Variants in RALA observed in about 807,000 individuals in gnomAD.
The protein encoded by RALA is RAS like proto-oncogene A.
In RALA, 5 loss-of-function variants were observed where a neutral mutation model predicts 24.0. The observed-to-expected ratio is 0.21, with a 90% CI of 0.11 to 0.44. The LOEUF (loss-of-function observed/expected upper bound fraction) is 0.44. Among genes scored for constraint, RALA ranks in the 20% least tolerant of loss-of-function variants. RALA has a pLI of 0.99. For synonymous variants in RALA, 77 were observed against 83.8 expected (o/e 0.92, Z 0.44); for missense variants, 95 against 241.2 (o/e 0.39, Z 4.01).
intron 1 of RALA, among the ~76,000 whole-genome samples, chr7:39,680,392 C>CAAAAACA (rs1792569751): frequency 9.5e-6 from 1 of 105,464 alleles, no homozygotes. Flanking sequence ...AAAACAAAAA[C>CAAAAACA]AAAAAAAACA....
chr7:39,640,575 TCA>T (rs961495870), intron 1 of RALA, among the ~76,000 whole-genome samples: 38 of 152,364 alleles, frequency 2.5e-4, no homozygotes, highest in African/African-American at 9.1e-4. Flanking sequence ...ATATTTTCTC[TCA>T]GAGAGTGCTA....
chr7:39,633,167 T>C (rs1791625484), intron 1 of RALA, among the ~76,000 whole-genome samples: 1 of 152,228 alleles, frequency 6.6e-6, no homozygotes, highest in Non-Finnish European at 1.5e-5. Flanking sequence ...TTGTTTTGTA[T>C]TGATATGTTG....
chr7:39,667,008 A>G (rs549890870), intron 1 of RALA, among the ~76,000 whole-genome samples: 5 of 152,276 alleles, frequency 3.3e-5, no homozygotes, highest in African/African-American at 7.2e-5. Context: ...AGTTCAGACC[A>G]TTAGCTTTCC....
intron 1 of RALA, chr7:39,624,089 G>T (rs1182267943): frequency 6.6e-6 from 1 of 151,878 alleles, no homozygotes; most frequent in Non-Finnish European, 1.5e-5. Flanking sequence ...GGTCTCAGTT[G>T]GCCTCGTCCG....
chr7:39,675,390 G>A (rs1792466093), intron 1 of RALA, among the ~76,000 whole-genome samples: 1 of 152,114 alleles, frequency 6.6e-6, no homozygotes, highest in Non-Finnish European at 1.5e-5. Context: ...CGATCTTCAG[G>A]TTAGAGATGC....
At chr7:39,671,843 T>G (rs962257318) in intron 1 of RALA, among the ~76,000 whole-genome samples, 1 of 152,234 alleles carries the variant, frequency 6.6e-6, no homozygotes, top group African/African-American at 2.4e-5. Context: ...GTTGTTATGT[T>G]TCAAAAGTAG....
At chr7:39,649,576 A>G (rs920401458) in intron 1 of RALA, among the ~76,000 whole-genome samples, 1 of 152,208 alleles carries the variant, frequency 6.6e-6, no homozygotes, top group African/African-American at 2.4e-5. Flanking sequence ...AGGATGCAGC[A>G]ACAGGGTGCC....
rs558523092 is a variant in RALA at position 39,654,941 on chromosome 7, A to G, written c.-38+31116A>G. On this transcript the variant is annotated intron_variant, in intron 1 of 4. Transcript: ENST00000005257. Reference sequence around the variant, plus strand: ...CTAATTTAGTTTTTGTAGAGACTGTATCTCACTATGTTGCCCAGGCTGGTC... The same window carrying G: ...CTAATTTAGTTTTTGTAGAGACTGTGTCTCACTATGTTGCCCAGGCTGGTC... Among the ~76,000 whole-genome samples the G allele has an allele frequency of 2.6e-5, 4 of 152,200 alleles. No individual in the cohort carries two copies. The South Asian group carries it at 6.2e-4, about 24-fold the overall frequency.
chr7:39,659,200 C>G (rs1419308484), intron 1 of RALA, among the ~76,000 whole-genome samples: 7 of 151,990 alleles, frequency 4.6e-5, no homozygotes, highest in Admixed American at 4.6e-4. Context: ...GATTGCTTGA[C>G]CCCAGGAGGT....
In RALA at chr7:39,686,754, T is replaced by C; in HGVS notation, c.87T>C (p.Ala29=). Residue 29 remains alanine (A), a synonymous_variant, in exon 2 of 5, where the codon GCT becomes GCC. Transcript: ENST00000005257. ...MVGSGGVGKS[A]LTLQFMYDEF... ...GCAGTGGTGGCGTGGGCAAGTCAGC[T>C]CTGACTCTACAGTTCATGTACGATG... The C allele has an allele frequency of 3.7e-6, 6 of 1,613,948 alleles. No homozygotes were observed. The highest frequency in any genetic ancestry group is 1.6e-4 in the Middle Eastern group (1 of 6,062).
chr7:39,648,241 C>T (rs956084843), intron 1 of RALA, among the ~76,000 whole-genome samples: 2 of 152,070 alleles, frequency 1.3e-5, no homozygotes, highest in African/African-American at 2.4e-5. Flanking sequence ...GGCAGAAAAC[C>T]GAAATCTTTA....
At chr7:39,630,251 C>A (rs1200523686) in intron 1 of RALA, among the ~76,000 whole-genome samples, 4 of 99,642 alleles carry the variant, frequency 4.0e-5, no homozygotes, top group East Asian at 3.3e-4. Context: ...GGGGTTTTAA[C>A]ATGTTGCCCA....
chr7:39,625,619 C>G (rs191416269), intron 1 of RALA, among the ~76,000 whole-genome samples: 1 of 152,308 alleles, frequency 6.6e-6, no homozygotes, highest in East Asian at 1.9e-4. Context: ...AGATGCTGTT[C>G]TCTAGTGTGT....
intron 1 of RALA, among the ~76,000 whole-genome samples, chr7:39,683,669 TA>T (rs2116058342): frequency 6.6e-6 from 1 of 152,316 alleles, no homozygotes; most frequent in South Asian, 2.1e-4. Flanking sequence ...GATAGCCTCT[TA>T]ATAGTCTGGA....
At chr7:39,704,707 GCT>G (rs957993423) in intron 4 of RALA, among the ~76,000 whole-genome samples, 1 of 150,776 alleles carries the variant, frequency 6.6e-6, no homozygotes, top group Non-Finnish European at 1.5e-5. Flanking sequence ...ACTGAGTCTT[GCT>G]CTGTCGCCCA....
intron 3 of RALA, among the ~76,000 whole-genome samples, chr7:39,691,986 G>T (rs1302471053): frequency 6.6e-6 from 1 of 152,100 alleles, no homozygotes; most frequent in African/African-American, 2.4e-5. Flanking sequence ...AGAATCTTGG[G>T]CTATTACTAT....
intron 1 of RALA, among the ~76,000 whole-genome samples, chr7:39,657,597 T>C (rs977184564): frequency 3.9e-5 from 6 of 152,108 alleles, no homozygotes; most frequent in African/African-American, 1.2e-4. Context: ...ACCTGTCCTC[T>C]ATATTAATTG....
intron 1 of RALA, among the ~76,000 whole-genome samples, chr7:39,642,972 AT>A (rs1562609417): frequency 6.6e-6 from 1 of 152,240 alleles, no homozygotes; most frequent in African/African-American, 2.4e-5. Flanking sequence ...ACACTGTAAC[AT>A]TCACTTACTT....
At chr7:39,629,453 C>T (rs1340897250) in intron 1 of RALA, among the ~76,000 whole-genome samples, 1 of 152,104 alleles carries the variant, frequency 6.6e-6, no homozygotes, top group African/African-American at 2.4e-5. Flanking sequence ...TTCGCTCTGT[C>T]GCCCAGGCTG....
Sources: allele counts gnomAD v4.1 joint callset (sites outside exome capture counted in the v4.1 genomes callset), GRCh38; gene constraint gnomAD v4.1.1; transcripts MANE v1.5; gene names NCBI Gene and HGNC (gene_info 2026-07-23, HGNC 2026-07-21).